The following TMEM116 variants were observed in gnomAD, a reference collection of about 807,000 sequenced individuals.
TMEM116 encodes transmembrane protein 116.
In TMEM116, 38 loss-of-function variants were observed where a neutral mutation model predicts 44.3. That is an observed-to-expected ratio of 0.86 (90% CI 0.66 to 1.12). The LOEUF (loss-of-function observed/expected upper bound fraction) is 1.12, where lower values mean the gene tolerates loss of function less well. Ranked by LOEUF, TMEM116 falls within the 50% of genes most tolerant of loss-of-function variation. The pLI, the probability that TMEM116 is intolerant of heterozygous loss-of-function variation, is 0.00. For missense variants in TMEM116, 354 were observed against 401.7 expected, an observed-to-expected ratio of 0.88 and a Z score of 1.01; for synonymous variants, 132 against 144.8, an observed-to-expected ratio of 0.91 and a Z score of 0.64.
intron 4 of TMEM116, among the ~76,000 whole-genome samples, chr12:111,950,345 T>TA (rs1279413028): frequency 6.6e-6 from 1 of 151,946 alleles, no homozygotes; most frequent in African/African-American, 2.4e-5. Flanking sequence ...CTCCCCATCA[T>TA]AATGAGACTC....
At chr12:111,961,265 T>C (rs976391051) in intron 4 of TMEM116, among the ~76,000 whole-genome samples, 5 of 152,186 alleles carry the variant, frequency 3.3e-5, no homozygotes, top group African/African-American at 1.2e-4. Context: ...GCTGGTACCA[T>C]TTCTTCCGAA....
At chr12:111,979,835 A>G (rs902753814) in intron 4 of TMEM116, among the ~76,000 whole-genome samples, 3 of 152,250 alleles carry the variant, frequency 2.0e-5, no homozygotes, top group African/African-American at 7.2e-5. Context: ...ATATAAAAAA[A>G]TGTTCAACAT....
chr12:111,960,144 AAT>A, intron 4 of TMEM116, among the ~76,000 whole-genome samples: 1 of 152,338 alleles, frequency 6.6e-6, no homozygotes, highest in East Asian at 1.9e-4. Context: ...AATCGTAACA[AAT>A]AGTCTCTCAG....
chr12:111,962,274 C>G (rs192751777), intron 4 of TMEM116, among the ~76,000 whole-genome samples: 2 of 149,740 alleles, frequency 1.3e-5, no homozygotes, highest in East Asian at 3.8e-4. Context: ...CTATCCCCAT[C>G]AAGCTACCAC....
chr12:111,976,387 G>A (rs1034068723), intron 4 of TMEM116, among the ~76,000 whole-genome samples: 7 of 151,784 alleles, frequency 4.6e-5, no homozygotes, highest in African/African-American at 1.7e-4. Flanking sequence ...ACCTGAGGCA[G>A]GAGAATCGCT....
intron 2 of TMEM116, 119 bp from the exon 3 acceptor site, chr12:112,003,982 C>T (rs972824477): frequency 1.1e-5 from 15 of 1,346,068 alleles, no homozygotes; most frequent in African/African-American, 1.5e-5. Context: ...AAATAAACTG[C>T]ATTAAAAAAA....
chr12:111,968,992 C>CAAAAA (rs1176204219), intron 4 of TMEM116, among the ~76,000 whole-genome samples: 245 of 41,702 alleles, frequency 5.9e-3, no homozygotes, highest in Non-Finnish European at 8.8e-3. Flanking sequence ...GACTCTATCT[C>CAAAAA]AAAAAAAAAA....
intron 4 of TMEM116, 45 bp from the exon 5 acceptor site, chr12:111,943,414 C>G: frequency 7.3e-7 from 1 of 1,366,382 alleles, no homozygotes; most frequent in East Asian, 2.3e-5. Flanking sequence ...CTCACTCTGA[C>G]ACTGTGAAGT....
intron 4 of TMEM116, among the ~76,000 whole-genome samples, chr12:111,947,678 T>C (rs2073394509): frequency 6.6e-6 from 1 of 152,204 alleles, no homozygotes; most frequent in South Asian, 2.1e-4. Flanking sequence ...TGTGTCATCC[T>C]CAGTTATTGT....
At chr12:111,995,451 A>T (rs1341553754) in intron 3 of TMEM116, among the ~76,000 whole-genome samples, 2 of 152,136 alleles carry the variant, frequency 1.3e-5, no homozygotes, top group Non-Finnish European at 2.9e-5. Flanking sequence ...ACACTCAAAA[A>T]ATCAGTTCTA....
At chr12:111,939,401 A>G (rs537910424) in intron 5 of TMEM116, among the ~76,000 whole-genome samples, 13 of 150,252 alleles carry the variant, frequency 8.7e-5, no homozygotes, top group Non-Finnish European at 1.6e-4. Flanking sequence ...TGCAGTGACC[A>G]GAGATCATGC....
At chr12:112,004,962 A>C (rs1356798263) in intron 2 of TMEM116, among the ~76,000 whole-genome samples, 1 of 152,130 alleles carries the variant, frequency 6.6e-6, no homozygotes, top group African/African-American at 2.4e-5. Context: ...TCTCTTTGTC[A>C]TTCCAATTTT....
intron 10 of TMEM116, among the ~76,000 whole-genome samples, chr12:111,932,158 A>T (rs1027174866): frequency 2.0e-5 from 3 of 152,162 alleles, no homozygotes; most frequent in Non-Finnish European, 1.5e-5. Flanking sequence ...AATCTTCTTA[A>T]ATCCAATAAA....
chr12:112,005,076 TTTG>T (rs1292413006), intron 2 of TMEM116, among the ~76,000 whole-genome samples, 178 bp downstream of exon 2: 2 of 152,250 alleles, frequency 1.3e-5, no homozygotes, highest in African/African-American at 4.8e-5. Context: ...TAATCAATTT[TTTG>T]TTGTTATTGT....
At chr12:111,948,713 A>C (rs778239007) in intron 4 of TMEM116, among the ~76,000 whole-genome samples, 1 of 152,206 alleles carries the variant, frequency 6.6e-6, no homozygotes, top group Non-Finnish European at 1.5e-5. Context: ...GCATATATTT[A>C]TTTTAATTTT....
At chr12:111,992,509 T>G (rs971679491) in intron 3 of TMEM116, among the ~76,000 whole-genome samples, 1 of 152,166 alleles carries the variant, frequency 6.6e-6, no homozygotes, top group Non-Finnish European at 1.5e-5. Flanking sequence ...GACCTTGTGA[T>G]CCACCCTCCT....
intron 4 of TMEM116, among the ~76,000 whole-genome samples, chr12:111,972,935 C>T (rs1366723385): frequency 3.3e-5 from 5 of 151,724 alleles, no homozygotes; most frequent in Non-Finnish European, 5.9e-5. Context: ...GTCAGGAGAT[C>T]GAGTTCATCC....
chr12:111,967,418 C>A (rs1432048465), intron 4 of TMEM116, among the ~76,000 whole-genome samples: 1 of 151,978 alleles, frequency 6.6e-6, no homozygotes, highest in Non-Finnish European at 1.5e-5. Flanking sequence ...TCCAACCTGG[C>A]AGGCTTATCA....
At chr12:112,003,615 TAAA>T in intron 3 of TMEM116, 182 bp downstream of exon 3, 1 of 668,338 alleles carries the variant, frequency 1.5e-6, no homozygotes, top group Non-Finnish European at 2.2e-6. Context: ...AAGTTATAGC[TAAA>T]ATAATTACCT....
Sources: gnomAD v4.1 joint callset for allele counts (sites outside exome capture counted in the v4.1 genomes callset) on GRCh38, gnomAD v4.1.1 for gene constraint, MANE v1.5 for transcripts, NCBI Gene and HGNC (gene_info 2026-07-23, HGNC 2026-07-21) for gene names.